Variants in SCARB1 observed in about 807,000 individuals in gnomAD.
SCARB1 encodes the protein CD36 and LIMPII analogous 1.
Under a neutral mutation model 57.2 loss-of-function variants are expected in SCARB1, and 30 were observed. That is an observed-to-expected ratio of 0.52 (90% CI 0.39 to 0.71). The LOEUF (loss-of-function observed/expected upper bound fraction) is 0.71, where lower values mean the gene tolerates loss of function less well. Among genes scored for constraint, SCARB1 ranks in the 30% least tolerant of loss-of-function variants. The probability of loss-of-function intolerance (pLI) is 0.00; values close to 1 mark genes in which losing one functional copy is unlikely to be tolerated. For synonymous variants in SCARB1, 249 were observed against 268.3 expected, an observed-to-expected ratio of 0.93 and a Z score of 0.70; for missense variants, 543 against 671.2, an observed-to-expected ratio of 0.81 and a Z score of 2.11.
chr12:124,786,440 C>A lies in SCARB1; in HGVS notation c.1318G>T (p.Val440Leu), dbSNP rs748998372. The change falls in exon 11 of 13, where the codon GTG becomes TTG. Residue 440 changes from valine (V) to leucine (L), a missense_variant. Coordinates refer to ENST00000261693, the MANE Select transcript of SCARB1 (RefSeq NM_005505.5). Reference protein sequence around the residue: ...FYTQLVLMPKVMHYAQYVLLA... With the variant: ...FYTQLVLMPKLMHYAQYVLLA... ...AGGACGTACTGGGCATAGTGCATCACCTTGGGCATCAACACCAGCTGAGTG... is the reference window on the plus strand; with the variant it reads ...AGGACGTACTGGGCATAGTGCATCAACTTGGGCATCAACACCAGCTGAGTG... The A allele has an allele frequency of 6.2e-7, 1 of 1,614,202 alleles. No homozygotes were observed. The highest frequency in any genetic ancestry group is 1.1e-5 in the South Asian group (1 of 91,088).
At chr12:124,852,078 G>A (rs1952428979) in intron 1 of SCARB1, among the ~76,000 whole-genome samples, 1 of 152,100 alleles carries the variant, frequency 6.6e-6, no homozygotes, top group African/African-American at 2.4e-5. Context: ...CTGGAGGCAG[G>A]AGGTGGCCCC....
chr12:124,829,342 C>A (rs2043839138), intron 1 of SCARB1, among the ~76,000 whole-genome samples: 1 of 152,158 alleles, frequency 6.6e-6, no homozygotes, highest in African/African-American at 2.4e-5. Context: ...TTTCCTGCCT[C>A]TGCTCTTGCC....
At chr12:124,834,227 G>A (rs765943546) in intron 1 of SCARB1, among the ~76,000 whole-genome samples, 9 of 152,246 alleles carry the variant, frequency 5.9e-5, no homozygotes, top group Admixed American at 5.9e-4. Context: ...GAGCTCCCAC[G>A]GGACACACGG....
chr12:124,835,813 G>A (rs1951625646), intron 1 of SCARB1, among the ~76,000 whole-genome samples: 1 of 152,184 alleles, frequency 6.6e-6, no homozygotes, highest in Non-Finnish European at 1.5e-5. Flanking sequence ...CTTCTTTTGG[G>A]AACCTGGGTG....
At chr12:124,793,692 CA>C (rs71092224) in intron 9 of SCARB1, among the ~76,000 whole-genome samples, 717 of 51,528 alleles carry the variant, frequency 0.014, 1 homozygote, top group African/African-American at 0.031. Context: ...GACTCCGTCT[CA>C]AAAAAAAAAA....
At chr12:124,801,833 A>G (rs750503204) in intron 7 of SCARB1, among the ~76,000 whole-genome samples, 4 of 151,750 alleles carry the variant, frequency 2.6e-5, no homozygotes, top group Non-Finnish European at 4.4e-5. Context: ...GCAAAAGAGC[A>G]AGACTGTGTC....
Position 124,814,950 on chromosome 12 carries a change from C to G in SCARB1, c.426+23G>C, listed in dbSNP as rs368880622. The G allele has an allele frequency of 4.3e-6, 7 of 1,613,722 alleles. No homozygotes were observed. In the African/African-American group the frequency reaches 8.0e-5, roughly 18 times the overall value. On this transcript the variant is annotated intron_variant, in intron 3 of 12. Coordinates refer to ENST00000261693, the MANE Select transcript of SCARB1 (RefSeq NM_005505.5). The surrounding 1 kb of genome is among the most constrained non-coding windows in gnomAD (Gnocchi z 4.7). Reference sequence around the variant, plus strand: ...GGGACGAGGTCAGGGTGCGAGGCGGCGTGGGCCACAGGGCAGCCTCACCAA... The same window carrying G: ...GGGACGAGGTCAGGGTGCGAGGCGGGGTGGGCCACAGGGCAGCCTCACCAA...
intron 1 of SCARB1, among the ~76,000 whole-genome samples, chr12:124,838,053 A>G (rs1218505262): frequency 2.6e-5 from 4 of 152,272 alleles, no homozygotes; most frequent in African/African-American, 4.8e-5. Context: ...TGTGTCGTCA[A>G]TGGCAGCCTC....
chr12:124,784,575 C>T (rs1949443630), intron 11 of SCARB1: 1 of 152,366 alleles, frequency 6.6e-6, no homozygotes, highest in Non-Finnish European at 1.5e-5. Context: ...GGCAAGCCTT[C>T]CCTGAGACAG....
intron 1 of SCARB1, among the ~76,000 whole-genome samples, chr12:124,858,974 A>C (rs1310259458): frequency 2.6e-5 from 4 of 152,118 alleles, no homozygotes; most frequent in African/African-American, 9.7e-5. Context: ...TCCTGGGCTC[A>C]AGATATCCTC....
intron 1 of SCARB1, among the ~76,000 whole-genome samples, chr12:124,841,228 C>T (rs1054508935): frequency 5.3e-5 from 8 of 151,880 alleles, no homozygotes; most frequent in East Asian, 1.9e-4. Flanking sequence ...AAAAATTAGC[C>T]GGGCGTGGTG....
rs574508083 is a variant in SCARB1, at chr12:124,844,500, G to A, written c.126+19095C>T. On this transcript the variant is annotated intron_variant, in intron 1 of 12. Coordinates refer to ENST00000261693, the MANE Select transcript of SCARB1 (RefSeq NM_005505.5). ...TTCCCATGTTGCAGCCCTAACCCTC[G>A]GTGCATCAGAATGTGACTGTATTGG... Among the ~76,000 whole-genome samples, 7 of 152,234 alleles carry A rather than the reference G, an allele frequency of 4.6e-5. No individual in the cohort carries two copies. In the South Asian group the frequency reaches 8.3e-4, roughly 18 times the overall value.
chr12:124,800,331 G>A lies in SCARB1; in HGVS notation c.1010-89C>T. 1 of 943,142 alleles carries A rather than the reference G, an allele frequency of 1.1e-6. No homozygotes were observed. Among genetic ancestry groups the A allele is most frequent in the Non-Finnish European group, 1.7e-6 (1 of 589,846 alleles). The allele number at this position is 943,142 out of a possible 1,614,324, so 58.4% of individuals were successfully genotyped here. On this transcript the variant is annotated intron_variant, in intron 7 of 12. Coordinates refer to ENST00000261693, the MANE Select transcript of SCARB1 (RefSeq NM_005505.5). The surrounding 1 kb of genome is among the most constrained non-coding windows in gnomAD (Gnocchi z 4.8). ...GGAGGTCTGCACAGAGCTGTGGTCT[G>A]CAGGGCACCCCCGTGGCGATGACAA...
At chr12:124,780,849 GCCCTGACCAGC>G (rs1055462505) in intron 12 of SCARB1, among the ~76,000 whole-genome samples, 44 of 152,148 alleles carry the variant, frequency 2.9e-4, no homozygotes, top group Admixed American at 9.2e-4. Flanking sequence ...CACTGACCAG[GCCCTGACCAGC>G]CCCTGACCAG....
intron 9 of SCARB1, among the ~76,000 whole-genome samples, chr12:124,793,870 A>G (rs1446959224): frequency 3.3e-5 from 5 of 152,226 alleles, no homozygotes; most frequent in Non-Finnish European, 7.3e-5. Context: ...GAACATTTAC[A>G]GCTGCATTAT....
intron 1 of SCARB1, among the ~76,000 whole-genome samples, chr12:124,824,020 A>G (rs11057831): frequency 0.028 from 4,270 of 151,642 alleles, 159 homozygotes; most frequent in African/African-American, 0.085. Context: ...AAATATATAC[A>G]AAAATTAGCT....
At chr12:124,820,484 C>A (rs554375815) in intron 1 of SCARB1, among the ~76,000 whole-genome samples, 2 of 152,070 alleles carry the variant, frequency 1.3e-5, no homozygotes, top group Admixed American at 6.6e-5. Flanking sequence ...CCACCCCATG[C>A]GACCACAGCC....
intron 9 of SCARB1, among the ~76,000 whole-genome samples, chr12:124,793,468 C>G (rs1050299589): frequency 6.6e-6 from 1 of 151,648 alleles, no homozygotes; most frequent in Non-Finnish European, 1.5e-5. Context: ...CCGAGGCGGG[C>G]GGATCACGAG....
intron 10 of SCARB1, among the ~76,000 whole-genome samples, 185 bp downstream of exon 10, chr12:124,787,221 G>A (rs1178237723): frequency 1.3e-5 from 2 of 152,088 alleles, no homozygotes; most frequent in East Asian, 3.9e-4. Flanking sequence ...CTTTCACCTT[G>A]GTGGGATAAC....
Sources: allele counts gnomAD v4.1 joint callset (sites outside exome capture counted in the v4.1 genomes callset), GRCh38; gene constraint gnomAD v4.1.1; non-coding constraint Gnocchi (gnomAD v3.1); transcripts MANE v1.5; gene names NCBI Gene and HGNC (gene_info 2026-07-23, HGNC 2026-07-21).